Variants in SGCZ observed in about 807,000 individuals in gnomAD.
SGCZ encodes sarcoglycan zeta.
Under a neutral mutation model 41.3 loss-of-function variants are expected in SGCZ, and 40 were observed. The ratio of observed to expected loss-of-function variants is 0.97; its 90% CI spans 0.75 to 1.26. The LOEUF (loss-of-function observed/expected upper bound fraction) is 1.26, where lower values mean the gene tolerates loss of function less well. Ranked by LOEUF, SGCZ falls within the 50% of genes most tolerant of loss-of-function variation. The probability of loss-of-function intolerance (pLI) is 0.00; values close to 1 mark genes in which losing one functional copy is unlikely to be tolerated. For synonymous variants in SGCZ, 206 were observed against 137.5 expected (o/e 1.50, Z -3.49); for missense variants, 552 against 369.8 (o/e 1.49, Z -4.04).
chr8:14,382,539 C>T (rs1804406953), intron 2 of SGCZ, among the ~76,000 whole-genome samples: 1 of 152,152 alleles, frequency 6.6e-6, no homozygotes, highest in South Asian at 2.1e-4. Flanking sequence ...ACTCCTAAGG[C>T]ACATACCAGC....
At chr8:14,578,045 C>T (rs566769286) in intron 1 of SGCZ, among the ~76,000 whole-genome samples, 10 of 152,312 alleles carry the variant, frequency 6.6e-5, no homozygotes, top group African/African-American at 1.7e-4. Context: ...CTTTCACAAT[C>T]CTTGTGCACC....
intron 4 of SGCZ, among the ~76,000 whole-genome samples, chr8:14,229,208 T>C (rs1002472154): frequency 6.6e-6 from 1 of 152,148 alleles, no homozygotes; most frequent in African/African-American, 2.4e-5. Flanking sequence ...TCCATATTTC[T>C]GTTTGTAGGA....
At chr8:14,298,213 T>C (rs1801078260) in intron 3 of SGCZ, among the ~76,000 whole-genome samples, 1 of 151,992 alleles carries the variant, frequency 6.6e-6, no homozygotes. Flanking sequence ...TTCTTCACAG[T>C]GATGCATTCC....
At chr8:14,234,173 G>C (rs1200539683) in intron 4 of SGCZ, among the ~76,000 whole-genome samples, 2 of 151,972 alleles carry the variant, frequency 1.3e-5, no homozygotes, top group Non-Finnish European at 1.5e-5. Context: ...TTTAGATTTA[G>C]TTTTTGTTAG....
chr8:15,236,947 G>T (rs900643868), intron 1 of SGCZ, among the ~76,000 whole-genome samples: 4 of 152,166 alleles, frequency 2.6e-5, no homozygotes, highest in Admixed American at 2.6e-4. Context: ...TCCCGCGCCT[G>T]GGGCTAGGGC....
intron 1 of SGCZ, among the ~76,000 whole-genome samples, chr8:15,199,872 C>G (rs1286353726): frequency 6.6e-6 from 1 of 152,146 alleles, no homozygotes; most frequent in Admixed American, 6.5e-5. Context: ...ACAAGCATTT[C>G]TTAAATGCAT....
At chr8:14,858,273 A>G (rs1020694709) in intron 1 of SGCZ, among the ~76,000 whole-genome samples, 4 of 152,196 alleles carry the variant, frequency 2.6e-5, no homozygotes, top group East Asian at 1.9e-4. Context: ...TTGCTTCACA[A>G]TAATGAACTC....
At chr8:14,835,235 C>A (rs904472282) in intron 1 of SGCZ, among the ~76,000 whole-genome samples, 2 of 152,092 alleles carry the variant, frequency 1.3e-5, no homozygotes, top group African/African-American at 4.8e-5. Context: ...CTAGACAAAG[C>A]CTTAGGCACC....
At chr8:14,382,505 G>C (rs1049181214) in intron 2 of SGCZ, among the ~76,000 whole-genome samples, 4 of 152,034 alleles carry the variant, frequency 2.6e-5, no homozygotes, top group Non-Finnish European at 4.4e-5. Flanking sequence ...GATTATATAT[G>C]AGTCAGCAAC....
At chr8:15,013,557 C>CA (rs1802914182) in intron 1 of SGCZ, among the ~76,000 whole-genome samples, 1 of 152,098 alleles carries the variant, frequency 6.6e-6, no homozygotes, top group African/African-American at 2.4e-5. Flanking sequence ...GATTCCTCCT[C>CA]TATAGGTATC....
chr8:14,269,938 G>A (rs950505513), intron 3 of SGCZ, among the ~76,000 whole-genome samples: 2 of 152,098 alleles, frequency 1.3e-5, no homozygotes, highest in African/African-American at 4.8e-5. Flanking sequence ...AACAAAGGGA[G>A]AAAAATTTTA....
rs908444879 is a variant in SGCZ, at chr8:14,239,337, T to G, written c.337-1658A>C. Among the ~76,000 whole-genome samples, 29 of 151,944 alleles carry G rather than the reference T, an allele frequency of 1.9e-4. 1 individual carries two copies. The highest frequency in any genetic ancestry group is 6.5e-4 in the African/African-American group (27 of 41,446). On this transcript the variant is annotated intron_variant, in intron 3 of 7. Transcript: ENST00000382080. ...AATGTAAGTATGTTAAAAAGGAGCT[T>G]TGAATTAAACACATTTGAATATTTG...
intron 1 of SGCZ, among the ~76,000 whole-genome samples, chr8:15,182,044 A>G (rs1313162838): frequency 6.6e-6 from 1 of 152,202 alleles, no homozygotes; most frequent in South Asian, 2.1e-4. Context: ...ACAATCCTTG[A>G]AAAAATAGAG....
intron 1 of SGCZ, among the ~76,000 whole-genome samples, chr8:14,712,009 C>T (rs889646621): frequency 9.2e-5 from 14 of 152,156 alleles, no homozygotes; most frequent in African/African-American, 3.1e-4. Flanking sequence ...TGGCTCATGC[C>T]TGTAATCCCA....
At chr8:14,761,518 A>G (rs956194135) in intron 1 of SGCZ, among the ~76,000 whole-genome samples, 1 of 147,670 alleles carries the variant, frequency 6.8e-6, no homozygotes, top group East Asian at 2.0e-4. Context: ...TATTATTATT[A>G]TTTTATTTAT....
At chr8:15,136,476 G>A (rs1808109098) in intron 1 of SGCZ, among the ~76,000 whole-genome samples, 1 of 151,916 alleles carries the variant, frequency 6.6e-6, no homozygotes, top group Non-Finnish European at 1.5e-5. Context: ...TGTCAGGGAA[G>A]GGCATTGATA....
intron 1 of SGCZ, among the ~76,000 whole-genome samples, chr8:14,596,718 C>T (rs114873882): frequency 0.016 from 2,379 of 152,122 alleles, 28 homozygotes; most frequent in African/African-American, 0.032. Flanking sequence ...ATACCTAAAT[C>T]ATGTGGGGCT....
chr8:15,234,296 C>T (rs1802052559), intron 1 of SGCZ, among the ~76,000 whole-genome samples: 1 of 152,138 alleles, frequency 6.6e-6, no homozygotes, highest in Non-Finnish European at 1.5e-5. Context: ...ATGGAGGGGG[C>T]TTTTTCTAAT....
intron 1 of SGCZ, among the ~76,000 whole-genome samples, chr8:14,850,606 A>G (rs1803279186): frequency 6.6e-6 from 1 of 152,178 alleles, no homozygotes; most frequent in Non-Finnish European, 1.5e-5. Context: ...AACTAAGTGA[A>G]AAAGGAAAGA....
Sources: allele counts gnomAD v4.1 joint callset (sites outside exome capture counted in the v4.1 genomes callset), GRCh38; gene constraint gnomAD v4.1.1; transcripts MANE v1.5; gene names NCBI Gene and HGNC (gene_info 2026-07-23, HGNC 2026-07-21).